Variants in MTAP observed in about 807,000 individuals in gnomAD.
MTAP encodes S-methyl-5'-thioadenosine phosphorylase.
MTAP carries 33 observed loss-of-function variants against 33.6 expected under a neutral mutation model. The observed-to-expected ratio is 0.98, with a 90% CI of 0.74 to 1.31. MTAP has a LOEUF of 1.31. MTAP is among the 40% of genes most tolerant of loss of function. The pLI is 0.00. For missense variants in MTAP, 367 were observed against 360.0 expected, an observed-to-expected ratio of 1.02 and a Z score of -0.16; for synonymous variants, 148 against 125.7, an observed-to-expected ratio of 1.18 and a Z score of -1.19.
At chr9:21,914,693 TG>T (rs1293105602) in intron 1 of MTAP, among the ~76,000 whole-genome samples, 1 of 151,490 alleles carries the variant, frequency 6.6e-6, no homozygotes. Context: ...GATGAGTTAA[TG>T]GGTGCAGCAC....
intron 1 of MTAP, among the ~76,000 whole-genome samples, chr9:21,804,154 T>C (rs1427633877): frequency 6.6e-6 from 1 of 152,206 alleles, no homozygotes; most frequent in Non-Finnish European, 1.5e-5. Flanking sequence ...TAGAATTATA[T>C]TGTCTATGTT....
intron 1 of MTAP, among the ~76,000 whole-genome samples, chr9:21,900,447 A>C (rs1330414784): frequency 6.6e-6 from 1 of 152,232 alleles, no homozygotes; most frequent in African/African-American, 2.4e-5. Context: ...AAACAAATAC[A>C]AATCAAAGCC....
At chr9:21,887,530 GT>G (rs1376127544) in intron 1 of MTAP, among the ~76,000 whole-genome samples, 1 of 152,116 alleles carries the variant, frequency 6.6e-6, no homozygotes, top group Non-Finnish European at 1.5e-5. Context: ...ATTTGGGTTG[GT>G]TCCAAGTCTT....
chr9:21,873,219 C>G (rs1825960364), intron 1 of MTAP, among the ~76,000 whole-genome samples: 2 of 152,086 alleles, frequency 1.3e-5, no homozygotes, highest in Admixed American at 1.3e-4. Flanking sequence ...CAGTTATTTA[C>G]TTTGTTTTTT....
intron 4 of MTAP, among the ~76,000 whole-genome samples, chr9:21,820,365 A>G (rs1824601396): frequency 1.3e-5 from 2 of 152,236 alleles, no homozygotes; most frequent in Admixed American, 1.3e-4. Flanking sequence ...ACACATGGCT[A>G]GCCAGTTTTC....
chr9:21,854,928 G>A, intron 6 of MTAP, 58 bp downstream of exon 6: 1 of 1,571,346 alleles, frequency 6.4e-7, no homozygotes, highest in Non-Finnish European at 8.6e-7. Flanking sequence ...CCAATAGGGT[G>A]TCTTAACTGT....
chr9:21,911,290 C>T (rs1368045972), intron 1 of MTAP, among the ~76,000 whole-genome samples: 1 of 152,178 alleles, frequency 6.6e-6, no homozygotes, highest in Non-Finnish European at 1.5e-5. Context: ...TAATAGACAT[C>T]TACAGAACTC....
At chr9:21,878,000 G>A (rs1345250069) in intron 1 of MTAP, among the ~76,000 whole-genome samples, 1 of 151,964 alleles carries the variant, frequency 6.6e-6, no homozygotes. Context: ...GCTTTTTATG[G>A]TTGGAAGGCC....
chr9:21,864,083 G>A lies in MTAP; in HGVS notation c.*2069G>A, dbSNP rs1179568968. ...TTCCTCATTCTTAATAGGTGTCTAAGAATGTCAGGGCAAAAGTATGGGCAT... is the reference window on the plus strand; with the variant it reads ...TTCCTCATTCTTAATAGGTGTCTAAAAATGTCAGGGCAAAAGTATGGGCAT... On this transcript the variant is annotated 3_prime_UTR_variant, in exon 8 of 8. Coordinates refer to ENST00000644715, the MANE Select transcript of MTAP (RefSeq NM_002451.4). 2.0e-6 allele frequency: 2 copies of A among 985,438 alleles called. No individual in the cohort carries two copies. The highest frequency in any genetic ancestry group is 2.4e-6 in the Non-Finnish European group (2 of 829,928). 61.0% of individuals were successfully genotyped at this position (985,438 alleles called of 1,614,324 possible).
At chr9:21,915,601 C>T (rs895543178) in intron 1 of MTAP, among the ~76,000 whole-genome samples, 24 of 152,040 alleles carry the variant, frequency 1.6e-4, no homozygotes, top group African/African-American at 5.6e-4. Context: ...ATGGTAACTC[C>T]ACATAAGTTT....
At chr9:21,912,245 C>G (rs1053241509) in intron 1 of MTAP, among the ~76,000 whole-genome samples, 1 of 152,180 alleles carries the variant, frequency 6.6e-6, no homozygotes, top group Non-Finnish European at 1.5e-5. Context: ...CTATTCCAAT[C>G]AACAGAAAAA....
At chr9:21,829,113 T>C (rs560362727) in intron 4 of MTAP, among the ~76,000 whole-genome samples, 3 of 152,338 alleles carry the variant, frequency 2.0e-5, no homozygotes, top group Admixed American at 6.5e-5. Context: ...CTTGGTGTAT[T>C]GAGACGGGCA....
chr9:21,829,304 G>A (rs572593226), intron 4 of MTAP, among the ~76,000 whole-genome samples: 3 of 152,252 alleles, frequency 2.0e-5, no homozygotes, highest in African/African-American at 7.2e-5. Context: ...GAATCAGGAG[G>A]TTTCATCTTG....
intron 4 of MTAP, among the ~76,000 whole-genome samples, chr9:21,825,109 G>T (rs201171829): frequency 6.6e-6 from 1 of 152,024 alleles, no homozygotes; most frequent in African/African-American, 2.4e-5. Flanking sequence ...CCCGCTCTCC[G>T]GCACCCACTG....
intron 5 of MTAP, among the ~76,000 whole-genome samples, chr9:21,852,707 GAAA>G (rs201258395): frequency 8.5e-6 from 1 of 118,122 alleles, no homozygotes. Flanking sequence ...CTATTGAAAT[GAAA>G]AAAAAAAAAA....
At chr9:21,929,578 A>C in intron 1 of MTAP, 1 of 368,262 alleles carries the variant, frequency 2.7e-6, no homozygotes, top group Non-Finnish European at 5.7e-6. Context: ...TTACTCCACC[A>C]AATGCTGGTT....
At position 21,815,426 on chromosome 9, in the gene MTAP, C is replaced by T. The variant is rs1281346393; in HGVS notation, c.34-7C>T. On this transcript the variant is annotated splice_polypyrimidine_tract_variant and splice_region_variant and intron_variant, in intron 1 of 7. Coordinates refer to ENST00000644715, the MANE Select transcript of MTAP (RefSeq NM_002451.4). ...ACAATAATCTTCTCTGTCTTTTTCT[C>T]TCTTAGATTGGAATAATTGGTGGAA... The T allele has an allele frequency of 1.9e-6, 3 of 1,570,626 alleles. No individual in the cohort carries two copies. In the Admixed American group the frequency reaches 5.4e-5, roughly 28 times the overall value.
intron 1 of MTAP, among the ~76,000 whole-genome samples, chr9:21,872,497 G>T (rs1035058534): frequency 6.6e-6 from 1 of 151,886 alleles, no homozygotes; most frequent in African/African-American, 2.4e-5. Flanking sequence ...TTGTTGATTC[G>T]GTTGATACTC....
At chr9:21,927,520 T>A (rs1351918199) in intron 1 of MTAP, among the ~76,000 whole-genome samples, 1 of 152,210 alleles carries the variant, frequency 6.6e-6, no homozygotes, top group Non-Finnish European at 1.5e-5. Context: ...AGAGGATAAC[T>A]GAACACATTC....
Sources: allele counts gnomAD v4.1 joint callset (sites outside exome capture counted in the v4.1 genomes callset), GRCh38; gene constraint gnomAD v4.1.1; transcripts MANE v1.5; gene names NCBI Gene and HGNC (gene_info 2026-07-23, HGNC 2026-07-21).